KIF26A: variants seen among roughly 807,000 people sequenced by gnomAD.
KIF26A encodes kinesin-like protein KIF26A.
In KIF26A, 74 loss-of-function variants were observed where a neutral mutation model predicts 126.0. That is an observed-to-expected ratio of 0.59 (90% CI 0.49 to 0.71). The LOEUF is 0.71. KIF26A is among the 30% of genes least tolerant of loss of function. KIF26A has a pLI of 0.00. For missense variants in KIF26A, 2,984 were observed against 2,763.3 expected (o/e 1.08, Z -1.79); for synonymous variants, 1,445 against 1,232.7 (o/e 1.17, Z -3.61).
chr14:104,175,456 G>T lies in KIF26A; in HGVS notation c.2668G>T (p.Val890Leu). 6.3e-7 allele frequency: 1 copy of T among 1,591,538 alleles called. No homozygotes were observed. Among genetic ancestry groups the T allele is most frequent in the Non-Finnish European group, 8.5e-7 (1 of 1,176,210 alleles). ...AGAGGCTGCATCCCCCAGGAAGGCCGTGGGCACCCCGATGGCTGCCAGCAC... is the reference window on the plus strand; with the variant it reads ...AGAGGCTGCATCCCCCAGGAAGGCCTTGGGCACCCCGATGGCTGCCAGCAC... Reference protein sequence around the residue: ...PPEAASPRKAVGTPMAASTPR... With the variant: ...PPEAASPRKALGTPMAASTPR... The change falls in exon 12 of 15, where the codon GTG becomes TTG. Residue 890 changes from valine to leucine, a missense_variant. By Grantham distance (32) the Val-to-Leu change is conservative. Transcript: ENST00000423312.
At chr14:104,166,267 G>C in intron 4 of KIF26A, among the ~76,000 whole-genome samples, 1 of 152,260 alleles carries the variant, frequency 6.6e-6, no homozygotes, top group Middle Eastern at 3.4e-3. Context: ...CTGGGGCCTG[G>C]GGCTTGGGGT....
Position 104,179,859 on chromosome 14 carries a change from A to C in KIF26A, c.*69A>C. Reference sequence around the variant, plus strand: ...GGACGGGACGTGGGACGGAGCGAGGATGTGGTGGGGGCTGCGGGGGGAGGA... The same window carrying C: ...GGACGGGACGTGGGACGGAGCGAGGCTGTGGTGGGGGCTGCGGGGGGAGGA... On this transcript the variant is annotated 3_prime_UTR_variant, in exon 15 of 15. Coordinates refer to ENST00000423312, the MANE Select transcript of KIF26A (RefSeq NM_015656.2). 1.5e-6 allele frequency: 2 copies of C among 1,305,922 alleles called. No individual in the cohort carries two copies. The highest frequency in any genetic ancestry group is 2.0e-6 in the Non-Finnish European group (2 of 989,922). 80.9% of individuals were successfully genotyped at this position (1,305,922 alleles called of 1,614,324 possible). A position where few individuals can be genotyped will look rare whatever the true frequency, so the allele number is the denominator to read the frequency against.
Position 104,148,325 on chromosome 14 carries a change from C to T in KIF26A, c.289-3690C>T, listed in dbSNP as rs1342180036. Among the ~76,000 whole-genome samples, 1 of 152,128 alleles carries T rather than the reference C, an allele frequency of 6.6e-6. No homozygotes were observed. The highest frequency in any genetic ancestry group is 1.5e-5 in the Non-Finnish European group (1 of 68,018). On this transcript the variant is annotated intron_variant, in intron 2 of 14. Coordinates refer to ENST00000423312, the MANE Select transcript of KIF26A (RefSeq NM_015656.2). This position sits in a 1 kb window ranked among gnomAD's most constrained non-coding sequence, Gnocchi z 4.3. Reference sequence around the variant, plus strand: ...TGAATCAAATGAAGAAAAACATTTTCCAAATGCAAGTAAAGTATCTGTGTA... The same window carrying T: ...TGAATCAAATGAAGAAAAACATTTTTCAAATGCAAGTAAAGTATCTGTGTA...
chr14:104,138,690 G>T lies in KIF26A; in HGVS notation c.-33G>T. 7.9e-7 allele frequency: 1 copy of T among 1,266,096 alleles called. No homozygotes were observed. Among genetic ancestry groups the T allele is most frequent in the South Asian group, 2.5e-5 (1 of 40,084 alleles). The allele number at this position is 1,266,096 out of a possible 1,614,324, so 78.4% of individuals were successfully genotyped here. A position where few individuals can be genotyped will look rare whatever the true frequency, so the allele number is the denominator to read the frequency against. ...GCCCCCGGAGAGCCAGCGTGGCCGGGAGCGCCTGCCGGGCTCTTCCCGCGC... is the reference window on the plus strand; with the variant it reads ...GCCCCCGGAGAGCCAGCGTGGCCGGTAGCGCCTGCCGGGCTCTTCCCGCGC... On this transcript the variant is annotated 5_prime_UTR_variant, in exon 1 of 15. Transcript: ENST00000423312.
Position 104,177,624 on chromosome 14 carries a change from C to T in KIF26A, c.4836C>T (p.Pro1612=). Residue 1612 remains proline, a synonymous_variant, in exon 12 of 15, where the codon CCC becomes CCT. Transcript: ENST00000423312. ...CCACGGGCCCGGCCCTGCCCTCCCC[C>T]TACAGCAAGGTGACCGCCCCACGGC... ...RPPTGPALPS[P]YSKVTAPRRP... The T allele has an allele frequency of 6.5e-7, 1 of 1,527,312 alleles. No individual in the cohort carries two copies. The highest frequency in any genetic ancestry group is 8.8e-7 in the Non-Finnish European group (1 of 1,141,746). 94.6% of individuals were successfully genotyped at this position (1,527,312 alleles called of 1,614,324 possible).
At chr14:104,174,667 G>C (rs150142179) in intron 11 of KIF26A, among the ~76,000 whole-genome samples, 5 of 152,148 alleles carry the variant, frequency 3.3e-5, no homozygotes, top group Non-Finnish European at 7.4e-5. Context: ...GGAGTTTGGG[G>C]CACTCTGGGG....
chr14:104,151,523 A>C lies in KIF26A; in HGVS notation c.289-492A>C, dbSNP rs1029243342. Among the ~76,000 whole-genome samples, 2 of 152,128 alleles carry C rather than the reference A, an allele frequency of 1.3e-5. No homozygotes were observed. The highest frequency in any genetic ancestry group is 2.9e-5 in the Non-Finnish European group (2 of 67,998). ...TGTTGACACCTTTACAGCAGCACTG[A>C]TTTGATTTTCCACCTGCCCCACCGG... is the stretch of plus-strand genomic sequence containing the variant. On this transcript the variant is annotated intron_variant, in intron 2 of 14. Transcript: ENST00000423312. This position sits in a 1 kb window ranked among gnomAD's most constrained non-coding sequence, Gnocchi z 4.9.
intron 4 of KIF26A, among the ~76,000 whole-genome samples, chr14:104,165,591 GTC>G (rs1391804223): frequency 7.2e-6 from 1 of 139,536 alleles, no homozygotes; most frequent in South Asian, 2.2e-4. Flanking sequence ...GTGTCTGTGT[GTC>G]TATGCATGTG....
At chr14:104,164,727 G>A (rs953089739) in intron 4 of KIF26A, among the ~76,000 whole-genome samples, 2 of 151,842 alleles carry the variant, frequency 1.3e-5, no homozygotes, top group African/African-American at 4.9e-5. Context: ...GTGTGTGCGT[G>A]TCTGTGTGTG....
At position 104,165,555 on chromosome 14, in the gene KIF26A, G is replaced by GCC. The variant is rs1566860906; in HGVS notation, c.924-1304_924-1303insCC. ...TCTTTGTGTCTATGCGTGTGTGTGT[G>GCC]TCTGTGTGTTTCTGTATGCATGTGT... On this transcript the variant is annotated intron_variant, in intron 4 of 14. Coordinates refer to ENST00000423312, the MANE Select transcript of KIF26A (RefSeq NM_015656.2). 4.3e-3 allele frequency among the ~76,000 whole-genome samples: 630 copies of GCC among 145,696 alleles called. 6 individuals are homozygous for GCC. Among genetic ancestry groups the GCC allele is most frequent in the Middle Eastern group, 0.015 (4 of 274 alleles).
rs2037702521 is a variant in KIF26A, at chr14:104,148,816, G to A, written c.289-3199G>A. On this transcript the variant is annotated intron_variant, in intron 2 of 14. Coordinates refer to ENST00000423312, the MANE Select transcript of KIF26A (RefSeq NM_015656.2). The surrounding 1 kb of genome is among the most constrained non-coding windows in gnomAD (Gnocchi z 4.3). ...GGGCCCAAGATGCCCATCCCTGGGA[G>A]CCACCCATGTCAGCAGCGGCCTCCC... 6.6e-6 allele frequency among the ~76,000 whole-genome samples: 1 copy of A among 152,184 alleles called. No homozygotes were observed. The highest frequency in any genetic ancestry group is 2.4e-5 in the African/African-American group (1 of 41,436).
intron 2 of KIF26A, among the ~76,000 whole-genome samples, chr14:104,145,667 A>G (rs1437249745): frequency 6.6e-6 from 1 of 152,016 alleles, no homozygotes. Flanking sequence ...GCTCTTCCTA[A>G]ATGTCCTGTC....
In KIF26A at chr14:104,139,191, C is replaced by G; in HGVS notation, c.191C>G (p.Ala64Gly). 1 of 1,546,842 alleles carries G rather than the reference C, an allele frequency of 6.5e-7. No homozygotes were observed. The highest frequency in any genetic ancestry group is 1.2e-5 in the South Asian group (1 of 83,134). Reference protein sequence around the residue: ...AGAGPEQGHSAGGGGWCRHCH... With the variant: ...AGAGPEQGHSGGGGGWCRHCH... ...GCCGGCCCAGAGCAGGGCCACTCGG[C>G]CGGCGGAGGCGGCTGGTGCCGCCAC... is the stretch of plus-strand genomic sequence containing the variant. Residue 64 changes from alanine (A) to glycine (G), a missense_variant, in exon 2 of 15, where the codon GCC becomes GGC. Physicochemically the swap from Ala to Gly is moderately conservative, Grantham distance 60. Coordinates refer to ENST00000423312, the MANE Select transcript of KIF26A (RefSeq NM_015656.2).
In KIF26A at chr14:104,139,184, C is replaced by A; in HGVS notation, c.184C>A (p.His62Asn). 1 of 1,546,208 alleles carries A rather than the reference C, an allele frequency of 6.5e-7. No individual in the cohort carries two copies. Among genetic ancestry groups the A allele is most frequent in the Non-Finnish European group, 8.7e-7 (1 of 1,145,962 alleles). ...CGCCGGGGCCGGCCCAGAGCAGGGC[C>A]ACTCGGCCGGCGGAGGCGGCTGGTG... ...EGAGAGPEQG[H>N]SAGGGGWCRH... is the part of the protein sequence containing the mutation. Residue 62 changes from histidine (H) to asparagine (N), a missense_variant, in exon 2 of 15, where the codon CAC becomes AAC. His to Asn is a moderately conservative substitution (Grantham distance 68). Coordinates refer to ENST00000423312, the MANE Select transcript of KIF26A (RefSeq NM_015656.2).
Position 104,179,765 on chromosome 14 carries a change from CG to C in KIF26A, c.5628del (p.Pro1877ArgfsTer72). 2 of 1,547,002 alleles carry C rather than the reference CG, an allele frequency of 1.3e-6. No homozygotes were observed. Among genetic ancestry groups the C allele is most frequent in the Non-Finnish European group, 1.7e-6 (2 of 1,146,876 alleles). On this transcript the variant is annotated frameshift_variant, in exon 15 of 15. Transcript: ENST00000423312. LOFTEE classifies it high-confidence loss of function. The part of the protein sequence containing the change: ...DISVAASAAI[P>X]GPQEVDV ...AGCGTTGCAGCCAGTGCTGCCATCC[CG>C]GGGCCGCAGGAGGTGGACGTCTGAG...
At position 104,171,930 on chromosome 14, in the gene KIF26A, G is replaced by C. The variant is rs1218673398; in HGVS notation, c.1321G>C (p.Glu441Gln). The C allele has an allele frequency of 6.4e-7, 1 of 1,552,164 alleles. No individual in the cohort carries two copies. Residue 441 changes from glutamate (E) to glutamine (Q), a missense_variant, in exon 6 of 15, where the codon GAG becomes CAG. Coordinates refer to ENST00000423312, the MANE Select transcript of KIF26A (RefSeq NM_015656.2). ...AFDAVFPQDS[E>Q]QAEVCSGTVA... ...CGATGCCGTCTTCCCCCAGGACTCC[G>C]AGCAGGTACGGGCAGGCGGACTGGG...
intron 2 of KIF26A, among the ~76,000 whole-genome samples, chr14:104,143,316 G>C (rs2037653287): frequency 6.6e-6 from 1 of 152,212 alleles, no homozygotes; most frequent in African/African-American, 2.4e-5. Flanking sequence ...GGTGGCCCCT[G>C]TGTACAGGGA....
Position 104,175,003 on chromosome 14 carries a change from G to T in KIF26A, c.2215G>T (p.Gly739Trp), listed in dbSNP as rs868252404. Residue 739 changes from glycine (G) to tryptophan (W), a missense_variant, in exon 12 of 15, where the codon GGG becomes TGG. Coordinates refer to ENST00000423312, the MANE Select transcript of KIF26A (RefSeq NM_015656.2). ...CCAGTACGCCTCCAGCTCCTCTGGC[G>T]GGGAGAGCTCCTGTGAGGAAGGCCG... ...KAKYASSSSG[G>W]ESSCEEGRAR... 1 of 1,550,516 alleles carries T rather than the reference G, an allele frequency of 6.4e-7. No individual in the cohort carries two copies. The highest frequency in any genetic ancestry group is 8.7e-7 in the Non-Finnish European group (1 of 1,151,670).
At position 104,179,963 on chromosome 14, in the gene KIF26A, G is replaced by C; in HGVS notation, c.*173G>C. On this transcript the variant is annotated 3_prime_UTR_variant, in exon 15 of 15. Coordinates refer to ENST00000423312, the MANE Select transcript of KIF26A (RefSeq NM_015656.2). ...GGGAGGGAGGGCCGGCCACGCGGTG[G>C]ACAGAGCGAGGGTGCCAGGGTGACC... 1 of 691,098 alleles carries C rather than the reference G, an allele frequency of 1.4e-6. No individual in the cohort carries two copies. Among genetic ancestry groups the C allele is most frequent in the Non-Finnish European group, 2.3e-6 (1 of 432,824 alleles). The allele number at this position is 691,098 out of a possible 1,614,324, so 42.8% of individuals were successfully genotyped here. A position where few individuals can be genotyped will look rare whatever the true frequency, so the allele number is the denominator to read the frequency against.
Sources: gnomAD v4.1 joint callset for allele counts (sites outside exome capture counted in the v4.1 genomes callset) on GRCh38, gnomAD v4.1.1 for gene constraint, Gnocchi (gnomAD v3.1) non-coding constraint, MANE v1.5 for transcripts, NCBI Gene and HGNC (gene_info 2026-07-23, HGNC 2026-07-21) for gene names.